The following SUCO variants were observed in gnomAD, a reference collection of about 807,000 sequenced individuals.
The protein encoded by SUCO is SUN domain containing ossification factor.
Under a neutral mutation model 148.1 loss-of-function variants are expected in SUCO, and 57 were observed. The ratio of observed to expected loss-of-function variants is 0.38; its 90% CI spans 0.31 to 0.48. SUCO has a LOEUF of 0.48. Ranked by LOEUF, SUCO falls within the 20% of genes least tolerant of loss-of-function variation. The pLI, the probability that SUCO is intolerant of heterozygous loss-of-function variation, is 0.96. For missense variants in SUCO, 1,331 were observed against 1,468.2 expected (o/e 0.91, Z 1.53); for synonymous variants, 470 against 502.7 (o/e 0.93, Z 0.87).
chr1:172,570,470 C>A, intron 8 of SUCO, 193 bp from the exon 9 acceptor site: 2 of 547,686 alleles, frequency 3.7e-6, no homozygotes, highest in Non-Finnish European at 6.5e-6. Context: ...ATCATTGTAA[C>A]ACTAATTTAA....
intron 1 of SUCO, among the ~76,000 whole-genome samples, chr1:172,547,647 A>T (rs1652961661): frequency 6.6e-6 from 1 of 152,224 alleles, no homozygotes; most frequent in Non-Finnish European, 1.5e-5. Context: ...ATAAAGCTCC[A>T]GAACTGTTCC....
intron 22 of SUCO, among the ~76,000 whole-genome samples, chr1:172,606,241 G>C (rs1657856319): frequency 6.6e-6 from 1 of 150,626 alleles, no homozygotes; most frequent in African/African-American, 2.4e-5. Context: ...TGGTATGTAA[G>C]GTTTATAAAA....
chr1:172,596,997 C>T, intron 19 of SUCO, among the ~76,000 whole-genome samples: 1 of 152,264 alleles, frequency 6.6e-6, no homozygotes, highest in East Asian at 1.9e-4. Flanking sequence ...GCAGATGCCC[C>T]TCCCCTAGCC....
At chr1:172,533,575 C>T (rs1651785108) in intron 1 of SUCO, 78 bp downstream of exon 1, 2 of 1,438,934 alleles carry the variant, frequency 1.4e-6, no homozygotes, top group Non-Finnish European at 1.8e-6. Flanking sequence ...ACCCCCTGGT[C>T]ATTTTGGCTT....
At chr1:172,570,765 C>CAT in intron 9 of SUCO, 35 bp downstream of exon 9, 1 of 1,176,262 alleles carries the variant, frequency 8.5e-7, no homozygotes, top group South Asian at 1.3e-5. Flanking sequence ...GTACATTCTA[C>CAT]ATATATATGC....
At chr1:172,581,507 CCTT>C (rs1462372097) in intron 15 of SUCO, among the ~76,000 whole-genome samples, 3 of 152,130 alleles carry the variant, frequency 2.0e-5, no homozygotes, top group African/African-American at 7.2e-5. Flanking sequence ...GTATCTGTGT[CCTT>C]CTACTCTTCT....
At chr1:172,602,507 T>G (rs1017022921) in intron 21 of SUCO, 189 bp from the exon 22 acceptor site, 7 of 983,238 alleles carry the variant, frequency 7.1e-6, no homozygotes, top group Non-Finnish European at 8.5e-6. Context: ...AATACTATTT[T>G]AATACAGTAC....
At chr1:172,597,453 T>TTG (rs201441611) in intron 19 of SUCO, among the ~76,000 whole-genome samples, 475 of 152,244 alleles carry the variant, frequency 3.1e-3, no homozygotes, top group Non-Finnish European at 5.4e-3. Flanking sequence ...TCATAGTACA[T>TTG]TGTGTGTGTG....
At chr1:172,601,755 A>G (rs1045478379) in intron 20 of SUCO, among the ~76,000 whole-genome samples, 2 of 152,214 alleles carry the variant, frequency 1.3e-5, no homozygotes, top group African/African-American at 4.8e-5. Flanking sequence ...GAGATAGTGT[A>G]AATGGAAAGA....
chr1:172,589,654 A>G lies in SUCO; in HGVS notation c.2553A>G (p.Gln851=), dbSNP rs780648988. 1.1e-5 allele frequency: 17 copies of G among 1,613,820 alleles called. No individual in the cohort carries two copies. The highest frequency in any genetic ancestry group is 1.4e-5 in the Non-Finnish European group (16 of 1,179,906). The change falls in exon 18 of 24, where the codon CAA becomes CAG. Residue 851 remains glutamine, a synonymous_variant. Coordinates refer to ENST00000263688, the MANE Select transcript of SUCO (RefSeq NM_014283.5). Reference sequence around the variant, plus strand: ...TGAATATAGCTGACACAGCAAAGCAAACTTTGATTTCTGTTGTGGATTCTT... The same window carrying G: ...TGAATATAGCTGACACAGCAAAGCAGACTTTGATTTCTGTTGTGGATTCTT... ...AKMNIADTAK[Q]TLISVVDSSS...
chr1:172,555,482 T>C (rs1653670192), intron 3 of SUCO: 1 of 899,956 alleles, frequency 1.1e-6, no homozygotes, highest in African/African-American at 1.8e-5. Context: ...TTGATACACA[T>C]TATTTCCTAA....
At chr1:172,538,448 T>A (rs1215571893) in intron 1 of SUCO, among the ~76,000 whole-genome samples, 1 of 152,220 alleles carries the variant, frequency 6.6e-6, no homozygotes, top group Non-Finnish European at 1.5e-5. Context: ...ATATATAAGC[T>A]GTTTTTTCTT....
chr1:172,589,722 A>T lies in SUCO; in HGVS notation c.2621A>T (p.Asp874Val), dbSNP rs1370783253. 2 of 1,613,412 alleles carry T rather than the reference A, an allele frequency of 1.2e-6. No individual in the cohort carries two copies. The highest frequency in any genetic ancestry group is 1.7e-6 in the Non-Finnish European group (2 of 1,179,624). ...EVKEEEQSPE[D>V]ALLRGLQRTA... ...AAAGAAGAAGAACAGTCTCCAGAAG[A>T]TGCCCTTTTGAGAGGGTTACAGAGG... The change falls in exon 18 of 24, where the codon GAT (aspartate) becomes GTT (valine). Residue 874 changes from aspartate to valine, a missense_variant. Transcript: ENST00000263688.
chr1:172,578,712 T>C (rs1003830694), intron 14 of SUCO: 2 of 224,244 alleles, frequency 8.9e-6, no homozygotes, highest in East Asian at 1.8e-4. Context: ...ATAGTAGAAA[T>C]GAGCTTTAAT....
chr1:172,550,821 T>C, intron 1 of SUCO: 1 of 733,864 alleles, frequency 1.4e-6, no homozygotes, highest in Non-Finnish European at 1.7e-6. Flanking sequence ...TTTCAGTGGC[T>C]ATGGATATAA....
chr1:172,569,922 A>G (rs1253558386), intron 7 of SUCO, 125 bp from the exon 8 acceptor site: 7 of 892,510 alleles, frequency 7.8e-6, no homozygotes, highest in Non-Finnish European at 1.0e-5. Flanking sequence ...TATTCTCTCA[A>G]GTGTTAAAAC....
rs761819273 is a variant in SUCO, at chr1:172,533,507, C to G, written c.62+10C>G. 1.5e-5 allele frequency: 23 copies of G among 1,539,554 alleles called. No homozygotes were observed. The Admixed American group carries it at 1.6e-4, about 10-fold the overall frequency. ...TGTGCTCTCTGGTCTGGTGAGTAGCCGCGACGACAAGGGAGTTCCCGTGAG... is the reference window on the plus strand; with the variant it reads ...TGTGCTCTCTGGTCTGGTGAGTAGCGGCGACGACAAGGGAGTTCCCGTGAG... On this transcript the variant is annotated intron_variant, in intron 1 of 23. Transcript: ENST00000263688.
At chr1:172,599,350 T>A (rs953748230) in intron 19 of SUCO, 4 of 519,514 alleles carry the variant, frequency 7.7e-6, no homozygotes, top group Admixed American at 1.3e-4. Context: ...AAAGTTGAAA[T>A]TTTCAGTTAA....
intron 15 of SUCO, among the ~76,000 whole-genome samples, chr1:172,580,601 A>C (rs1172893347): frequency 6.6e-6 from 1 of 152,174 alleles, no homozygotes; most frequent in African/African-American, 2.4e-5. Context: ...AGTAATGTTG[A>C]ATTAGCTCTG....
Sources: allele counts gnomAD v4.1 joint callset (sites outside exome capture counted in the v4.1 genomes callset), GRCh38; gene constraint gnomAD v4.1.1; transcripts MANE v1.5; gene names NCBI Gene and HGNC (gene_info 2026-07-23, HGNC 2026-07-21).